CASTOR2: variants seen among roughly 807,000 people sequenced by gnomAD.
CASTOR2 encodes GATS protein like 2.
In CASTOR2, 8 loss-of-function variants were observed where a neutral mutation model predicts 31.2. The observed-to-expected ratio is 0.26, with a 90% CI of 0.15 to 0.46. The LOEUF (loss-of-function observed/expected upper bound fraction) is 0.46. CASTOR2 is among the 20% of genes least tolerant of loss of function. The pLI is 0.99. For missense variants in CASTOR2, 216 were observed against 382.1 expected, an observed-to-expected ratio of 0.57 and a Z score of 3.62; for synonymous variants, 162 against 158.7, an observed-to-expected ratio of 1.02 and a Z score of -0.16.
rs1805305410 is a variant in CASTOR2 at position 75,031,526 on chromosome 7, A to C, written c.*6827A>C. On this transcript the variant is annotated 3_prime_UTR_variant, in exon 9 of 9. Coordinates refer to ENST00000616305, the MANE Select transcript of CASTOR2 (RefSeq NM_001145064.3). ...AAGTGTTAATTAAAATGAAAAAAAA[A>C]AACGATGCTGGCTGGTGGCCGTCTG... 6.6e-6 allele frequency among the ~76,000 whole-genome samples: 1 copy of C among 152,094 alleles called. No individual in the cohort carries two copies. Among genetic ancestry groups the C allele is most frequent in the Non-Finnish European group, 1.5e-5 (1 of 67,990 alleles).
intron 1 of CASTOR2, among the ~76,000 whole-genome samples, chr7:74,999,601 C>CTTGTTT (rs1804444568): frequency 2.2e-5 from 1 of 45,760 alleles, no homozygotes. Context: ...TCACTCACTG[C>CTTGTTT]TTTTTTTTTT....
At chr7:75,014,656 A>G (rs1584475474) in intron 2 of CASTOR2, among the ~76,000 whole-genome samples, 1 of 152,146 alleles carries the variant, frequency 6.6e-6, no homozygotes, top group Non-Finnish European at 1.5e-5. Context: ...CAGGGCGGGT[A>G]GACCAATCCA....
chr7:74,984,035 T>C (rs1804008686), intron 1 of CASTOR2, among the ~76,000 whole-genome samples: 1 of 150,908 alleles, frequency 6.6e-6, no homozygotes, highest in Admixed American at 6.6e-5. Context: ...TGCCTCGGCC[T>C]CCAAAAGTGC....
chr7:75,025,528 TC>T lies in CASTOR2; in HGVS notation c.*831del, dbSNP rs1805103438. 6.6e-6 allele frequency among the ~76,000 whole-genome samples: 1 copy of T among 152,190 alleles called. No homozygotes were observed. The highest frequency in any genetic ancestry group is 2.1e-4 in the South Asian group (1 of 4,836). On this transcript the variant is annotated 3_prime_UTR_variant, in exon 9 of 9. Coordinates refer to ENST00000616305, the MANE Select transcript of CASTOR2 (RefSeq NM_001145064.3). ...CCCCCAGTAGGGACATCCCTGGCTTTCCAGGCCTGAGGTTTCTTAGGTGGTG... is the reference window on the plus strand; with the variant it reads ...CCCCCAGTAGGGACATCCCTGGCTTTCAGGCCTGAGGTTTCTTAGGTGGTG...
At chr7:75,018,188 A>G in intron 4 of CASTOR2, 66 bp downstream of exon 4, 1 of 1,579,606 alleles carries the variant, frequency 6.3e-7, no homozygotes, top group Non-Finnish European at 8.6e-7. Context: ...GCCGCAGACC[A>G]GCCTTACTCT....
intron 1 of CASTOR2, among the ~76,000 whole-genome samples, chr7:74,999,460 C>T (rs1804439863): frequency 1.3e-5 from 2 of 151,780 alleles, no homozygotes; most frequent in Non-Finnish European, 2.9e-5. Flanking sequence ...CAGGAGAGAC[C>T]CATTGAAAAC....
Position 75,031,211 on chromosome 7 carries a change from C to T in CASTOR2, c.*6512C>T, listed in dbSNP as rs1484686330. Among the ~76,000 whole-genome samples, 1 of 152,064 alleles carries T rather than the reference C, an allele frequency of 6.6e-6. No homozygotes were observed. Among genetic ancestry groups the T allele is most frequent in the Non-Finnish European group, 1.5e-5 (1 of 67,996 alleles). ...TGGATGGTGTACTGAGGGGCCTCTG[C>T]CCTGCCCAGAGCCCCCACCATCGTA... is the stretch of plus-strand genomic sequence containing the variant. On this transcript the variant is annotated 3_prime_UTR_variant, in exon 9 of 9. Transcript: ENST00000616305.
At chr7:74,983,454 A>G (rs2131923316) in intron 1 of CASTOR2, among the ~76,000 whole-genome samples, 1 of 144,724 alleles carries the variant, frequency 6.9e-6, no homozygotes, top group East Asian at 2.1e-4. Context: ...GCCTGGTTTA[A>G]CTGCGTTTGT....
intron 1 of CASTOR2, among the ~76,000 whole-genome samples, chr7:74,995,013 C>T (rs1258977513): frequency 2.0e-5 from 3 of 152,056 alleles, no homozygotes; most frequent in African/African-American, 7.2e-5. Flanking sequence ...TCCAGGGAGG[C>T]CTTGGCCAGC....
intron 3 of CASTOR2, 91 bp from the exon 4 acceptor site, chr7:75,017,899 G>A (rs1469206085): frequency 3.1e-6 from 5 of 1,613,358 alleles, no homozygotes; most frequent in Non-Finnish European, 4.2e-6. Context: ...ATTCCAGGGT[G>A]GGGGCAGAGT....
chr7:75,015,805 G>A (rs1471132967), intron 2 of CASTOR2, among the ~76,000 whole-genome samples: 6 of 151,874 alleles, frequency 4.0e-5, no homozygotes, highest in Non-Finnish European at 8.8e-5. Flanking sequence ...GGTGGCTCAC[G>A]ATTGTAATCC....
intron 1 of CASTOR2, among the ~76,000 whole-genome samples, chr7:75,002,114 C>T (rs1804513733): frequency 6.6e-6 from 1 of 151,772 alleles, no homozygotes; most frequent in Non-Finnish European, 1.5e-5. Flanking sequence ...TTAGTAGAGA[C>T]AGGGTTTCAC....
intron 4 of CASTOR2, 83 bp downstream of exon 4, chr7:75,018,205 G>A (rs1293135143): frequency 1.4e-5 from 22 of 1,558,752 alleles, no homozygotes; most frequent in African/African-American, 8.2e-5. Context: ...CTCTCAGCAC[G>A]GGCTTCTGCC....
At position 74,985,585 on chromosome 7, in the gene CASTOR2, CAAAAAAAA is replaced by C. The variant is rs782053038; in HGVS notation, c.113+20503_113+20510del. Among the ~76,000 whole-genome samples the C allele has an allele frequency of 5.9e-5, 4 of 67,580 alleles. No homozygotes were observed. In the East Asian group the frequency reaches 1.5e-3, roughly 25 times the overall value. 44.3% of individuals were successfully genotyped at this position (67,580 alleles called of 152,430 possible). ...CCAAAGATTGAGAAACAGCCTGGCT[CAAAAAAAA>C]AAAAAAAAAAAAAAAGAATCATTGT... On this transcript the variant is annotated intron_variant, in intron 1 of 8. Transcript: ENST00000616305.
chr7:75,019,918 CA>C (rs1400783431), intron 5 of CASTOR2, 120 bp from the exon 6 acceptor site: 1 of 819,916 alleles, frequency 1.2e-6, no homozygotes, highest in Non-Finnish European at 1.9e-6. Flanking sequence ...ATGAGAAGGA[CA>C]CTGGCCCAGG....
intron 1 of CASTOR2, among the ~76,000 whole-genome samples, chr7:74,983,038 T>C (rs1584461042): frequency 2.9e-5 from 1 of 34,436 alleles, no homozygotes; most frequent in African/African-American, 1.3e-4. Flanking sequence ...GGGGACAGAG[T>C]CTCACCCTGC....
chr7:74,987,572 A>C (rs1200490750), intron 1 of CASTOR2, among the ~76,000 whole-genome samples: 1 of 152,088 alleles, frequency 6.6e-6, no homozygotes, highest in Non-Finnish European at 1.5e-5. Flanking sequence ...CAATTCAGGC[A>C]ATTTGTGTGA....
chr7:75,024,738 C>G lies in CASTOR2; in HGVS notation c.*39C>G, dbSNP rs1805082021. On this transcript the variant is annotated 3_prime_UTR_variant, in exon 9 of 9. Transcript: ENST00000616305. ...GCTCCTCCCTGCCGCCGCCCGGGCC[C>G]AGCCCTAACCCTGAAGATTGATCTT... is the stretch of plus-strand genomic sequence containing the variant. The G allele has an allele frequency of 6.4e-7, 1 of 1,551,452 alleles. No homozygotes were observed. The highest frequency in any genetic ancestry group is 2.0e-5 in the Admixed American group (1 of 50,978).
chr7:75,019,691 T>C (rs1254691987), intron 5 of CASTOR2, among the ~76,000 whole-genome samples: 1 of 152,156 alleles, frequency 6.6e-6, no homozygotes, highest in Non-Finnish European at 1.5e-5. Context: ...CAACAGACAT[T>C]GTGTCACTTC....
Sources: allele counts gnomAD v4.1 joint callset (sites outside exome capture counted in the v4.1 genomes callset), GRCh38; gene constraint gnomAD v4.1.1; transcripts MANE v1.5; gene names NCBI Gene and HGNC (gene_info 2026-07-23, HGNC 2026-07-21).